The following GLIS3 variants were observed in gnomAD, a reference collection of about 807,000 sequenced individuals.
GLIS3 encodes the protein GLIS family zinc finger 3.
In GLIS3, 53 loss-of-function variants were observed where a neutral mutation model predicts 78.6. The observed-to-expected ratio is 0.67, with a 90% CI of 0.54 to 0.85. GLIS3 has a LOEUF of 0.85. GLIS3 is among the 40% of genes least tolerant of loss of function. GLIS3 has a pLI of 0.00. For missense variants in GLIS3, 1,703 were observed against 1,231.1 expected (o/e 1.38, Z -5.74); for synonymous variants, 684 against 509.9 (o/e 1.34, Z -4.60).
rs1335971328 is a variant in GLIS3 at position 3,991,723 on chromosome 9, C to T, written c.1711-54534G>A. On this transcript the variant is annotated intron_variant, in intron 4 of 10. Coordinates refer to ENST00000381971, the MANE Select transcript of GLIS3 (RefSeq NM_001042413.2). Reference sequence around the variant, plus strand: ...TTTTTTTTTTTGAGACGGAGTCTCACTCTGTCGCCCAGGCTGGAGTGCAGT... The same window carrying T: ...TTTTTTTTTTTGAGACGGAGTCTCATTCTGTCGCCCAGGCTGGAGTGCAGT... Among the ~76,000 whole-genome samples the T allele has an allele frequency of 6.8e-5, 7 of 103,474 alleles. No individual in the cohort carries two copies. The Admixed American group carries it at 6.9e-4, about 10-fold the overall frequency. 67.9% of individuals were successfully genotyped at this position (103,474 alleles called of 152,430 possible). A position where few individuals can be genotyped will look rare whatever the true frequency, so the allele number is the denominator to read the frequency against.
At chr9:4,461,870 G>A in the GLIS3 span, among the ~76,000 whole-genome samples, 11 of 152,274 alleles carry the variant, frequency 7.2e-5, no homozygotes, top group Middle Eastern at 3.4e-3. Flanking sequence ...CAAGCTCTGC[G>A]ATTTCAGAGA....
At chr9:4,061,760 A>G (rs1826674797) in intron 4 of GLIS3, among the ~76,000 whole-genome samples, 2 of 152,232 alleles carry the variant, frequency 1.3e-5, no homozygotes, top group South Asian at 2.1e-4. Context: ...AAAGAAAAAA[A>G]GCAGTATGAT....
the GLIS3 span, among the ~76,000 whole-genome samples, chr9:4,393,748 C>A: frequency 6.6e-6 from 1 of 152,146 alleles, no homozygotes; most frequent in Non-Finnish European, 1.5e-5. Context: ...TGTCCTTCTG[C>A]GTACATCATA....
At chr9:4,008,406 A>G (rs1821730875) in intron 4 of GLIS3, among the ~76,000 whole-genome samples, 1 of 152,124 alleles carries the variant, frequency 6.6e-6, no homozygotes, top group African/African-American at 2.4e-5. Context: ...TTCTGCACCA[A>G]AGTGAAGAGG....
chr9:4,064,707 T>G (rs1826946699), intron 4 of GLIS3, among the ~76,000 whole-genome samples: 1 of 152,144 alleles, frequency 6.6e-6, no homozygotes, highest in Non-Finnish European at 1.5e-5. Context: ...GGCAGGAGAA[T>G]CACCTGAAGC....
At chr9:4,366,045 CGGT>C in the GLIS3 span, among the ~76,000 whole-genome samples, 1 of 152,228 alleles carries the variant, frequency 6.6e-6, no homozygotes, top group East Asian at 1.9e-4. Flanking sequence ...GAAAATGCTT[CGGT>C]GGTGAACTTC....
At chr9:4,128,021 A>C (rs1387635157) in intron 2 of GLIS3, among the ~76,000 whole-genome samples, 1 of 152,242 alleles carries the variant, frequency 6.6e-6, no homozygotes, top group Non-Finnish European at 1.5e-5. Context: ...TGCCAGTCCA[A>C]CTAGTGCATG....
At chr9:4,329,610 T>C (rs879811188) in intron 2 of GLIS3, among the ~76,000 whole-genome samples, 15 of 151,998 alleles carry the variant, frequency 9.9e-5, no homozygotes, top group African/African-American at 2.9e-4. Context: ...CCCCACCCTC[T>C]ATCTCTACAG....
chr9:4,263,010 T>C (rs1178849597), intron 2 of GLIS3, among the ~76,000 whole-genome samples: 4 of 150,280 alleles, frequency 2.7e-5, no homozygotes, highest in Admixed American at 6.6e-5. Context: ...CTTCAGAGAA[T>C]AGTTTGGAAA....
intron 4 of GLIS3, among the ~76,000 whole-genome samples, chr9:4,109,103 A>G (rs1044049152): frequency 6.6e-6 from 1 of 152,126 alleles, no homozygotes; most frequent in Non-Finnish European, 1.5e-5. Context: ...CAGCTCAAGC[A>G]TTTCACTCTG....
chr9:4,074,403 T>C (rs1827881443), intron 4 of GLIS3, among the ~76,000 whole-genome samples: 6 of 152,096 alleles, frequency 3.9e-5, no homozygotes, highest in Admixed American at 3.9e-4. Flanking sequence ...ACTCACCTAC[T>C]CCTCCTGTTA....
At chr9:3,921,923 T>TACACAC (rs6150898) in intron 6 of GLIS3, among the ~76,000 whole-genome samples, 29,940 of 149,742 alleles carry the variant, frequency 0.2, 3,072 homozygotes, top group Middle Eastern at 0.27. Flanking sequence ...TCATACTGTG[T>TACACAC]ACACACACAC....
At chr9:4,097,609 C>A (rs921916046) in intron 4 of GLIS3, among the ~76,000 whole-genome samples, 2 of 152,144 alleles carry the variant, frequency 1.3e-5, no homozygotes, top group African/African-American at 4.8e-5. Flanking sequence ...TTACCAGCTT[C>A]GCATACTGAC....
At chr9:3,906,623 A>T (rs1303437537) in intron 6 of GLIS3, among the ~76,000 whole-genome samples, 1 of 152,144 alleles carries the variant, frequency 6.6e-6, no homozygotes, top group African/African-American at 2.4e-5. Context: ...GGGTTCACAG[A>T]GCACGATGGG....
At chr9:4,108,647 A>G (rs1830962133) in intron 4 of GLIS3, among the ~76,000 whole-genome samples, 2 of 152,198 alleles carry the variant, frequency 1.3e-5, no homozygotes, top group Non-Finnish European at 2.9e-5. Flanking sequence ...GTGACAATAT[A>G]TCTCACCAAA....
intron 4 of GLIS3, among the ~76,000 whole-genome samples, chr9:4,069,812 C>T (rs1333368480): frequency 1.3e-5 from 2 of 151,856 alleles, no homozygotes; most frequent in Non-Finnish European, 2.9e-5. Flanking sequence ...TCTAAAATAC[C>T]ATTGTGCATT....
chr9:4,085,906 T>C (rs1325327572), intron 4 of GLIS3, among the ~76,000 whole-genome samples: 1 of 152,216 alleles, frequency 6.6e-6, no homozygotes, highest in Non-Finnish European at 1.5e-5. Flanking sequence ...CCTGCAGAAC[T>C]GTGAGCAAAT....
At chr9:4,291,840 T>C (rs1033391569) in intron 1 of GLIS3, among the ~76,000 whole-genome samples, 2 of 152,164 alleles carry the variant, frequency 1.3e-5, no homozygotes, top group Non-Finnish European at 2.9e-5. Context: ...TCAGTGCATC[T>C]ATATAACTTT....
chr9:4,129,874 T>C (rs1351531427), intron 2 of GLIS3, among the ~76,000 whole-genome samples: 1 of 151,920 alleles, frequency 6.6e-6, no homozygotes, highest in Non-Finnish European at 1.5e-5. Flanking sequence ...TGGAAAATAG[T>C]GGAACTTCCT....
Sources: gnomAD v4.1 joint callset for allele counts (sites outside exome capture counted in the v4.1 genomes callset) on GRCh38, gnomAD v4.1.1 for gene constraint, MANE v1.5 for transcripts, NCBI Gene and HGNC (gene_info 2026-07-23, HGNC 2026-07-21) for gene names.